ATP10B: variants seen among roughly 807,000 people sequenced by gnomAD.
The protein encoded by ATP10B is ATPase phospholipid transporting 10B (putative), also known as phospholipid-transporting ATPase VB.
In ATP10B, 122 loss-of-function variants were observed where a neutral mutation model predicts 141.2. That is an observed-to-expected ratio of 0.86 (90% confidence interval 0.75 to 1.00). ATP10B has a LOEUF of 1.00. Among genes scored for constraint, ATP10B ranks in the 50% least tolerant of loss-of-function variants. The pLI is 0.00. For synonymous variants in ATP10B, 685 were observed against 692.0 expected, an observed-to-expected ratio of 0.99 and a Z score of 0.16; for missense variants, 1,876 against 1,825.3, an observed-to-expected ratio of 1.03 and a Z score of -0.51.
At chr5:160,920,499 T>A in the ATP10B span, among the ~76,000 whole-genome samples, 6,231 of 152,326 alleles carry the variant, frequency 0.041, 242 homozygotes, top group East Asian at 0.2. Flanking sequence ...CTCTCAAGCA[T>A]GGGACATGCA....
At chr5:160,609,638 A>G (rs187515700) in intron 18 of ATP10B, among the ~76,000 whole-genome samples, 22 of 152,308 alleles carry the variant, frequency 1.4e-4, no homozygotes, top group African/African-American at 5.1e-4. Flanking sequence ...CTTGGCCTCC[A>G]AAGTGCTGGG....
At chr5:160,730,005 C>T (rs532504703) in intron 2 of ATP10B, among the ~76,000 whole-genome samples, 5 of 152,270 alleles carry the variant, frequency 3.3e-5, no homozygotes, top group South Asian at 2.1e-4. Flanking sequence ...CTGATGATAA[C>T]GGTCATGCTA....
chr5:160,565,572 A>C lies in ATP10B; in HGVS notation c.4267T>G (p.Ser1423Ala). 6.2e-7 allele frequency: 1 copy of C among 1,614,038 alleles called. No homozygotes were observed. Among genetic ancestry groups the C allele is most frequent in the African/African-American group, 1.3e-5 (1 of 75,012 alleles). Residue 1423 changes from serine (S) to alanine (A), a missense_variant, in exon 26 of 26, where the codon TCC becomes GCC. Ser to Ala is a moderately conservative substitution (Grantham distance 99). Transcript: ENST00000327245. ...TTAGGTCCCAGCAGGTGCTCCCCGGATGAGAGTTGAGCTGAGGAGTCCCCT... is the reference window on the plus strand; with the variant it reads ...TTAGGTCCCAGCAGGTGCTCCCCGGCTGAGAGTTGAGCTGAGGAGTCCCCT... The part of the protein sequence containing the change: ...CSGDSSAQLS[S>A]GEHLLGPNRI...
At chr5:160,850,677 A>T (rs959715612) in intron 1 of ATP10B, among the ~76,000 whole-genome samples, 2 of 152,148 alleles carry the variant, frequency 1.3e-5, no homozygotes, top group Non-Finnish European at 2.9e-5. Flanking sequence ...GCACGAGAGG[A>T]GTATGATTTA....
chr5:160,578,235 T>C (rs1195913412), intron 24 of ATP10B, among the ~76,000 whole-genome samples: 2 of 152,194 alleles, frequency 1.3e-5, no homozygotes, highest in African/African-American at 4.8e-5. Context: ...CTGGGCTACA[T>C]GTGCAGAATG....
chr5:160,759,261 G>C (rs1008200115), intron 2 of ATP10B, among the ~76,000 whole-genome samples: 6 of 152,096 alleles, frequency 3.9e-5, no homozygotes, highest in Non-Finnish European at 8.8e-5. Flanking sequence ...GAAAAGTCCT[G>C]GCTGGTATCT....
At chr5:160,920,057 A>G in the ATP10B span, among the ~76,000 whole-genome samples, 1 of 152,230 alleles carries the variant, frequency 6.6e-6, no homozygotes, top group African/African-American at 2.4e-5. Flanking sequence ...TGAGATGCTT[A>G]AAGCAAAATA....
chr5:160,708,653 A>G (rs1346091035), intron 3 of ATP10B, among the ~76,000 whole-genome samples: 1 of 152,208 alleles, frequency 6.6e-6, no homozygotes, highest in Non-Finnish European at 1.5e-5. Flanking sequence ...GAAGGCATGT[A>G]CAGGTTTGGA....
intron 19 of ATP10B, among the ~76,000 whole-genome samples, chr5:160,604,719 CAT>C (rs372141303): frequency 0.033 from 5,061 of 151,688 alleles, 123 homozygotes; most frequent in Middle Eastern, 0.076. Flanking sequence ...CACACACACA[CAT>C]AAACACACAC....
chr5:160,650,133 T>TATAC (rs1760613036), intron 7 of ATP10B, among the ~76,000 whole-genome samples: 2 of 148,662 alleles, frequency 1.3e-5, no homozygotes, highest in African/African-American at 2.5e-5. Context: ...TATATATATA[T>TATAC]ACACACACAC....
chr5:160,854,965 TCAAA>T (rs1450984408), upstream of ATP10B, among the ~76,000 whole-genome samples: 1 of 152,148 alleles, frequency 6.6e-6, no homozygotes, highest in African/African-American at 2.4e-5. Context: ...TATCTGGGAC[TCAAA>T]CTACAGATTG....
intron 2 of ATP10B, among the ~76,000 whole-genome samples, chr5:160,729,250 G>A (rs1653852897): frequency 6.6e-6 from 1 of 152,168 alleles, no homozygotes; most frequent in East Asian, 1.9e-4. Context: ...GGTATTCTCG[G>A]TGGGCTGTGC....
At chr5:160,785,846 T>A in intron 1 of ATP10B, 43 bp from the exon 2 acceptor site, 1 of 319,948 alleles carries the variant, frequency 3.1e-6, no homozygotes, top group Non-Finnish European at 5.6e-6. Flanking sequence ...ATATACAATC[T>A]CATTTTAGTA....
intron 9 of ATP10B, among the ~76,000 whole-genome samples, chr5:160,643,107 CT>C (rs1477567089): frequency 6.6e-6 from 1 of 152,186 alleles, no homozygotes; most frequent in African/African-American, 2.4e-5. Flanking sequence ...AATAAGTCAT[CT>C]GAACTGACAA....
At chr5:160,876,762 C>T in the ATP10B span, among the ~76,000 whole-genome samples, 152 of 151,170 alleles carry the variant, frequency 1.0e-3, no homozygotes, top group Admixed American at 2.9e-3. Context: ...AACACCTCTA[C>T]GCAAATAAAC....
At chr5:160,715,713 T>TTTATTTAC (rs1472176420) in intron 3 of ATP10B, among the ~76,000 whole-genome samples, 18 of 150,924 alleles carry the variant, frequency 1.2e-4, no homozygotes, top group Non-Finnish European at 2.5e-4. Context: ...TATTTATTTA[T>TTTATTTAC]TTATTTATTT....
chr5:160,754,240 T>C (rs1293509227), intron 2 of ATP10B, among the ~76,000 whole-genome samples: 1 of 152,218 alleles, frequency 6.6e-6, no homozygotes, highest in East Asian at 1.9e-4. Context: ...ATCGTTGTCA[T>C]CTTCCCAAAC....
At chr5:160,790,938 A>C (rs977075552) in intron 1 of ATP10B, among the ~76,000 whole-genome samples, 1 of 152,142 alleles carries the variant, frequency 6.6e-6, no homozygotes, top group Non-Finnish European at 1.5e-5. Context: ...ATGATGAAAG[A>C]AGCAGGAGGA....
chr5:160,632,398 G>T (rs747024863), intron 12 of ATP10B, 31 bp from the exon 13 acceptor site: 1 of 1,596,858 alleles, frequency 6.3e-7, no homozygotes, highest in Non-Finnish European at 8.6e-7. Flanking sequence ...TATTGCACTA[G>T]TTGTACCTCG....
Sources: gnomAD v4.1 joint callset for allele counts (sites outside exome capture counted in the v4.1 genomes callset) on GRCh38, gnomAD v4.1.1 for gene constraint, MANE v1.5 for transcripts, NCBI Gene and HGNC (gene_info 2026-07-23, HGNC 2026-07-21) for gene names.